The following EDN1 variants were observed in gnomAD, a reference collection of about 807,000 sequenced individuals.
The protein encoded by EDN1 is endothelin-1.
In EDN1, 11 loss-of-function variants were observed where a neutral mutation model predicts 21.7. That is an observed-to-expected ratio of 0.51 (90% CI 0.32 to 0.84). EDN1 has a LOEUF of 0.84. Among genes scored for constraint, EDN1 ranks in the 40% least tolerant of loss-of-function variants. The pLI is 0.03. For synonymous variants in EDN1, 85 were observed against 90.6 expected (o/e 0.94, Z 0.35); for missense variants, 244 against 262.3 (o/e 0.93, Z 0.48).
chr6:12,258,449 C>CAAAAAAAAAAAAAAAAAAAAAAAA, the EDN1 span, among the ~76,000 whole-genome samples: 1 of 63,672 alleles, frequency 1.6e-5, no homozygotes, highest in African/African-American at 4.9e-5. Flanking sequence ...GATCATGTCT[C>CAAAAAAAAAAAAAAAAAAAAAAAA]AAAAAAAAAA....
At chr6:12,235,109 A>G in the EDN1 span, among the ~76,000 whole-genome samples, 7 of 152,190 alleles carry the variant, frequency 4.6e-5, no homozygotes, top group African/African-American at 1.7e-4. Flanking sequence ...GTCTTGTTCC[A>G]GTGATACCAT....
At chr6:12,271,148 TA>T in the EDN1 span, among the ~76,000 whole-genome samples, 1 of 152,146 alleles carries the variant, frequency 6.6e-6, no homozygotes, top group Non-Finnish European at 1.5e-5. Context: ...TTATATACTT[TA>T]ATTATGAAAT....
upstream of EDN1, among the ~76,000 whole-genome samples, chr6:12,287,834 G>A (rs1419048507): frequency 1.3e-5 from 2 of 152,004 alleles, no homozygotes; most frequent in Non-Finnish European, 2.9e-5. Context: ...ATTTGGCACG[G>A]TGGGGCCCTT....
the EDN1 span, among the ~76,000 whole-genome samples, chr6:12,267,677 A>T: frequency 6.6e-6 from 1 of 152,204 alleles, no homozygotes; most frequent in Non-Finnish European, 1.5e-5. Context: ...AGCTACAGCA[A>T]ATTATCCAGA....
the EDN1 span, among the ~76,000 whole-genome samples, chr6:12,281,824 G>C: frequency 6.6e-6 from 1 of 152,152 alleles, no homozygotes; most frequent in African/African-American, 2.4e-5. Flanking sequence ...CCCTAGAAGG[G>C]ATCGAAGCCC....
At chr6:12,281,407 T>C in the EDN1 span, among the ~76,000 whole-genome samples, 2 of 151,030 alleles carry the variant, frequency 1.3e-5, no homozygotes, top group East Asian at 1.9e-4. Context: ...ACTTTTCCAA[T>C]TGATATGACT....
chr6:12,244,286 AT>A, the EDN1 span, among the ~76,000 whole-genome samples: 1 of 152,222 alleles, frequency 6.6e-6, no homozygotes, highest in Non-Finnish European at 1.5e-5. Context: ...TGCATCAATC[AT>A]TTGGAAAATA....
At chr6:12,248,692 T>C in the EDN1 span, among the ~76,000 whole-genome samples, 1 of 152,216 alleles carries the variant, frequency 6.6e-6, no homozygotes, top group Non-Finnish European at 1.5e-5. Context: ...GTGTAGGTTA[T>C]GTCAATTAGC....
the EDN1 span, among the ~76,000 whole-genome samples, chr6:12,273,870 G>A: frequency 6.6e-6 from 1 of 152,198 alleles, no homozygotes; most frequent in South Asian, 2.1e-4. Flanking sequence ...CACAAATAGA[G>A]CCATTGACCT....
the EDN1 span, among the ~76,000 whole-genome samples, chr6:12,241,519 T>TA: frequency 6.6e-6 from 1 of 151,776 alleles, no homozygotes; most frequent in Non-Finnish European, 1.5e-5. Flanking sequence ...AAGAGGGAGG[T>TA]ATTAGTACAA....
the EDN1 span, among the ~76,000 whole-genome samples, chr6:12,236,345 T>C: frequency 0.032 from 4,893 of 152,100 alleles, 266 homozygotes; most frequent in African/African-American, 0.11. Context: ...GCAACCTCCA[T>C]CTCTCAGGTT....
the EDN1 span, among the ~76,000 whole-genome samples, chr6:12,257,018 C>T: frequency 2.6e-3 from 377 of 142,744 alleles, 2 homozygotes; most frequent in African/African-American, 9.6e-3. Flanking sequence ...AATGACATAT[C>T]GATATAATGA....
chr6:12,287,059 G>A (rs1204201391), upstream of EDN1, among the ~76,000 whole-genome samples: 2 of 151,744 alleles, frequency 1.3e-5, no homozygotes, highest in African/African-American at 4.8e-5. Flanking sequence ...TGAGGCTGCA[G>A]TGAGCTATAA....
At chr6:12,237,808 A>G in the EDN1 span, among the ~76,000 whole-genome samples, 8 of 152,300 alleles carry the variant, frequency 5.3e-5, no homozygotes, top group South Asian at 1.2e-3. Flanking sequence ...CCCAAACTGC[A>G]TCGTCTGAGA....
chr6:12,243,287 AGAGGAGGAGGAGGAGGAGAGGAGGAG>A, the EDN1 span, among the ~76,000 whole-genome samples: 1 of 125,998 alleles, frequency 7.9e-6, no homozygotes, highest in African/African-American at 3.0e-5. Flanking sequence ...CATTGAGTAA[AGAGGAGGAGGAGGAGGAGAGGAGGAG>A]GAGGAGGAGG....
the EDN1 span, among the ~76,000 whole-genome samples, chr6:12,243,264 C>T: frequency 9.7e-4 from 130 of 134,002 alleles, no homozygotes; most frequent in African/African-American, 3.6e-3. Flanking sequence ...GGGCTTCATC[C>T]GTGATGTCCT....
At chr6:12,275,216 G>C in the EDN1 span, among the ~76,000 whole-genome samples, 1 of 152,206 alleles carries the variant, frequency 6.6e-6, no homozygotes, top group Admixed American at 6.5e-5. Flanking sequence ...AGAGCCCTCA[G>C]TTGGCCGCTT....
chr6:12,294,429 G>A (rs1762771035), intron 4 of EDN1, 25 bp downstream of exon 4: 1 of 1,613,578 alleles, frequency 6.2e-7, no homozygotes, highest in Admixed American at 1.7e-5. Flanking sequence ...AGAAAAATTA[G>A]GTAAGAGGTT....
At position 12,293,938 on chromosome 6, in the gene EDN1, T is replaced by A; in HGVS notation, c.234-3T>A. 1 of 1,614,186 alleles carries A rather than the reference T, an allele frequency of 6.2e-7. No homozygotes were observed. The highest frequency in any genetic ancestry group is 2.2e-5 in the East Asian group (1 of 44,874). On this transcript the variant is annotated splice_polypyrimidine_tract_variant and splice_region_variant and intron_variant, in intron 2 of 4. Coordinates refer to ENST00000379375, the MANE Select transcript of EDN1 (RefSeq NM_001955.5). ...ATAGTTTCTTTCTCTCTTTGGATAA[T>A]AGGCACGTTGTTCCGTATGGACTTG...
Sources: gnomAD v4.1 joint callset for allele counts (sites outside exome capture counted in the v4.1 genomes callset) on GRCh38, gnomAD v4.1.1 for gene constraint, MANE v1.5 for transcripts, NCBI Gene and HGNC (gene_info 2026-07-23, HGNC 2026-07-21) for gene names.